Variants in GNB5 observed in about 807,000 individuals in gnomAD.
GNB5 encodes G protein subunit beta 5.
Under a neutral mutation model 55.3 loss-of-function variants are expected in GNB5, and 37 were observed. The ratio of observed to expected loss-of-function variants is 0.67; its 90% CI spans 0.51 to 0.88. GNB5 has a LOEUF of 0.88. Among genes scored for constraint, GNB5 ranks in the 40% least tolerant of loss-of-function variants. The probability of loss-of-function intolerance (pLI) is 0.00; values close to 1 mark genes in which losing one functional copy is unlikely to be tolerated. For synonymous variants in GNB5, 219 were observed against 198.5 expected (o/e 1.10, Z -0.87); for missense variants, 476 against 515.3 (o/e 0.92, Z 0.74).
At chr15:52,191,163 A>G (rs2034921235) in intron 1 of GNB5, among the ~76,000 whole-genome samples, 159 bp downstream of exon 1, 1 of 143,946 alleles carries the variant, frequency 6.9e-6, no homozygotes, top group South Asian at 2.2e-4. Flanking sequence ...TGTGTATTGT[A>G]GAAAAATTAG....
chr15:52,136,108 C>G (rs1255036767), intron 7 of GNB5, among the ~76,000 whole-genome samples: 1 of 79,770 alleles, frequency 1.3e-5, no homozygotes, highest in Non-Finnish European at 2.3e-5. Context: ...CAGGGAAAAG[C>G]AGAAAACACA....
At chr15:52,126,250 T>C (rs2033426137) in intron 10 of GNB5, 1 of 410,828 alleles carries the variant, frequency 2.4e-6, no homozygotes, top group African/African-American at 2.0e-5. Context: ...TTCCTATTAA[T>C]CTCTATGAGT....
rs750348977 is a variant in GNB5, at chr15:52,153,955, G to C, written c.360C>G (p.Ile120Met). The change falls in exon 4 of 13, where the codon ATC becomes ATG. Residue 120 changes from isoleucine (I) to methionine (M), a missense_variant. Ile to Met is a conservative substitution (Grantham distance 10, BLOSUM62 1). Transcript: ENST00000261837. ...CMDWCKDKRRIVSSSQDGKVI... is the reference protein window; with the variant it reads ...CMDWCKDKRRMVSSSQDGKVI... ...TGTGACATACCTGTGACGAGCTCAC[G>C]ATCCTCCTCTTATCTTTGCACCAGT... The C allele has an allele frequency of 6.2e-7, 1 of 1,613,034 alleles. No homozygotes were observed. Among genetic ancestry groups the C allele is most frequent in the Non-Finnish European group, 8.5e-7 (1 of 1,179,248 alleles).
chr15:52,142,124 C>G (rs1253998750), intron 6 of GNB5, among the ~76,000 whole-genome samples: 1 of 152,144 alleles, frequency 6.6e-6, no homozygotes, highest in Admixed American at 6.5e-5. Flanking sequence ...GTACTTCTTT[C>G]TTATTGCTTC....
rs2033138571 is a variant in GNB5 at position 52,116,130 on chromosome 15, T to A, written c.*6627A>T. ...AGTAATGCTGCTATGAACATTTGCA[T>A]TCAAATTTCTGTGTGGACATATGTT... On this transcript the variant is annotated 3_prime_UTR_variant, in exon 13 of 13. Coordinates refer to ENST00000261837, the MANE Select transcript of GNB5 (RefSeq NM_016194.4). The A allele has an allele frequency of 6.6e-6, 1 of 152,248 alleles. No homozygotes were observed. The allele number at this position is 152,248 out of a possible 1,614,324, so 9.4% of individuals were successfully genotyped here. A position where few individuals can be genotyped will look rare whatever the true frequency, so the allele number is the denominator to read the frequency against.
intron 6 of GNB5, among the ~76,000 whole-genome samples, chr15:52,143,214 G>A (rs2033897402): frequency 6.6e-6 from 1 of 151,788 alleles, no homozygotes; most frequent in African/African-American, 2.4e-5. Context: ...CTTAGGCTAT[G>A]GTAAGGGGAC....
intron 12 of GNB5, among the ~76,000 whole-genome samples, chr15:52,123,382 T>C (rs946484672): frequency 6.6e-6 from 1 of 150,850 alleles, no homozygotes; most frequent in African/African-American, 2.4e-5. Flanking sequence ...TGTCCAATCC[T>C]AATTAAGTGC....
Position 52,117,102 on chromosome 15 carries a change from A to ATATTTTTTTTTTTTTTTTTTTTT in GNB5, c.*5654_*5655insAAAAAAAAAAAAAAAAAAAAATA. ...CCACGCCCAGCTAATATATATATAT[A>ATATTTTTTTTTTTTTTTTTTTTT]TTTTTTTTTAGTACAGACAGGGTTT... On this transcript the variant is annotated 3_prime_UTR_variant, in exon 13 of 13. Transcript: ENST00000261837. 19 of 87,098 alleles carry ATATTTTTTTTTTTTTTTTTTTTT rather than the reference A, an allele frequency of 2.2e-4. 2 individuals carry two copies. Among genetic ancestry groups the ATATTTTTTTTTTTTTTTTTTTTT allele is most frequent in the Non-Finnish European group, 3.7e-4 (17 of 46,194 alleles). 5.4% of individuals were successfully genotyped at this position (87,098 alleles called of 1,614,324 possible).
At chr15:52,145,681 T>C (rs1439498466) in intron 6 of GNB5, among the ~76,000 whole-genome samples, 1 of 151,910 alleles carries the variant, frequency 6.6e-6, no homozygotes, top group Non-Finnish European at 1.5e-5. Context: ...TATGTGAACA[T>C]GGGCTCCAAA....
chr15:52,169,262 G>A (rs2034507786), intron 3 of GNB5, among the ~76,000 whole-genome samples: 1 of 151,986 alleles, frequency 6.6e-6, no homozygotes, highest in South Asian at 2.1e-4. Context: ...GGAGGCTGCA[G>A]TGAGCCGAGA....
In GNB5 at chr15:52,126,071, C is replaced by T. The variant is rs149586528; in HGVS notation, c.913-27G>A. ...TGGGGAGCAAATAAATAAAGAAGCA[C>T]TTACTTCTGGCTTCAGTTTGGTGAC... On this transcript the variant is annotated intron_variant, in intron 10 of 12. Transcript: ENST00000261837. 11 of 1,132,122 alleles carry T rather than the reference C, an allele frequency of 9.7e-6. No individual in the cohort carries two copies. In the East Asian group the frequency reaches 2.6e-4, roughly 27 times the overall value. 70.1% of individuals were successfully genotyped at this position (1,132,122 alleles called of 1,614,324 possible).
chr15:52,175,034 C>T (rs1195920011), intron 3 of GNB5, among the ~76,000 whole-genome samples: 3 of 152,134 alleles, frequency 2.0e-5, no homozygotes, highest in African/African-American at 7.2e-5. Context: ...GATCGTGCCA[C>T]CGCACTCCAG....
intron 2 of GNB5, among the ~76,000 whole-genome samples, chr15:52,182,592 G>C (rs1049837730): frequency 6.6e-6 from 1 of 152,156 alleles, no homozygotes; most frequent in African/African-American, 2.4e-5. Flanking sequence ...CTGGATATCA[G>C]AAAAGTTGAG....
intron 6 of GNB5, among the ~76,000 whole-genome samples, chr15:52,141,729 C>T (rs910807120): frequency 2.6e-5 from 4 of 152,224 alleles, no homozygotes; most frequent in East Asian, 1.9e-4. Context: ...GCAGATATGA[C>T]ATTTTCCTTC....
chr15:52,150,553 A>G (rs190674464), intron 4 of GNB5, among the ~76,000 whole-genome samples: 153 of 152,308 alleles, frequency 1.0e-3, no homozygotes, highest in African/African-American at 3.7e-3. Flanking sequence ...TACACTGAGA[A>G]CAACATGCGA....
intron 2 of GNB5, among the ~76,000 whole-genome samples, chr15:52,184,053 G>A (rs1244374145): frequency 1.3e-5 from 2 of 152,160 alleles, no homozygotes; most frequent in African/African-American, 4.8e-5. Flanking sequence ...CACTGGGACC[G>A]GTCCTTGGAA....
At chr15:52,128,855 C>A in intron 9 of GNB5, 1 of 415,900 alleles carries the variant, frequency 2.4e-6, no homozygotes. Flanking sequence ...GAAATATGGG[C>A]CCTAAATTAT....
chr15:52,153,215 G>C (rs2141214220), intron 4 of GNB5, among the ~76,000 whole-genome samples: 1 of 152,338 alleles, frequency 6.6e-6, no homozygotes, highest in East Asian at 1.9e-4. Context: ...CGCTCTGGGA[G>C]AGGCCAGCTA....
chr15:52,137,519 G>C (rs1045207151), intron 7 of GNB5: 3 of 1,016,198 alleles, frequency 3.0e-6, no homozygotes, highest in East Asian at 9.7e-5. Context: ...AAAAGCAAAC[G>C]TATGTTTTAG....
Sources: gnomAD v4.1 joint callset for allele counts (sites outside exome capture counted in the v4.1 genomes callset) on GRCh38, gnomAD v4.1.1 for gene constraint, MANE v1.5 for transcripts, NCBI Gene and HGNC (gene_info 2026-07-23, HGNC 2026-07-21) for gene names.